The following ADD1 variants were observed in gnomAD, a reference collection of about 807,000 sequenced individuals.
ADD1 encodes the protein adducin 1, also known as alpha-adducin.
Under a neutral mutation model 80.5 loss-of-function variants are expected in ADD1, and 24 were observed. The observed-to-expected ratio is 0.30, with a 90% CI of 0.22 to 0.42. The LOEUF is 0.42. Among genes scored for constraint, ADD1 ranks in the 10% least tolerant of loss-of-function variants. The probability of loss-of-function intolerance (pLI) is 1.00; values close to 1 mark genes in which losing one functional copy is unlikely to be tolerated. For synonymous variants in ADD1, 373 were observed against 393.8 expected, an observed-to-expected ratio of 0.95 and a Z score of 0.63; for missense variants, 948 against 1,019.0, an observed-to-expected ratio of 0.93 and a Z score of 0.95.
At chr4:2,914,271 C>T (rs931125821) in intron 13 of ADD1, among the ~76,000 whole-genome samples, 3 of 152,184 alleles carry the variant, frequency 2.0e-5, no homozygotes, top group African/African-American at 4.8e-5. Flanking sequence ...CTTGGTGCTT[C>T]GCTTTCTTCT....
At position 2,875,719 on chromosome 4, in the gene ADD1, T is replaced by A. The variant is rs35977751; in HGVS notation, c.-20-177T>A. Among the ~76,000 whole-genome samples, 363 of 152,254 alleles carry A rather than the reference T, an allele frequency of 2.4e-3. 4 individuals carry two copies. Among genetic ancestry groups the A allele is most frequent in the African/African-American group, 8.4e-3 (348 of 41,562 alleles). On this transcript the variant is annotated intron_variant, in intron 1 of 15. Coordinates refer to ENST00000683351, the MANE Select transcript of ADD1 (RefSeq NM_001354761.2). ...TGGTTAGTGGGAGGGTGGGAGGTGG[T>A]TGATCAGCCATGTGCCTCTGAGGCC...
intron 13 of ADD1, among the ~76,000 whole-genome samples, chr4:2,912,338 A>G (rs866831572): frequency 3.9e-5 from 6 of 152,162 alleles, no homozygotes; most frequent in Admixed American, 1.3e-4. Context: ...CTCTGTTCCC[A>G]TAACTGGTCT....
intron 6 of ADD1, among the ~76,000 whole-genome samples, chr4:2,895,436 G>T (rs546383756): frequency 6.6e-6 from 1 of 152,148 alleles, no homozygotes; most frequent in African/African-American, 2.4e-5. Flanking sequence ...GGTGCTGTGG[G>T]CTCGGGGAAG....
chr4:2,917,540 T>G (rs1341301128), intron 14 of ADD1, among the ~76,000 whole-genome samples: 1 of 152,232 alleles, frequency 6.6e-6, no homozygotes, highest in Non-Finnish European at 1.5e-5. Flanking sequence ...TTTAATTAGA[T>G]CCCATTTGTC....
chr4:2,920,837 T>C (rs1739900749), intron 14 of ADD1, among the ~76,000 whole-genome samples: 1 of 152,182 alleles, frequency 6.6e-6, no homozygotes, highest in South Asian at 2.1e-4. Flanking sequence ...CCATTTACAT[T>C]TAAGGTTAAT....
At chr4:2,910,726 G>T (rs1185221410) in intron 13 of ADD1, among the ~76,000 whole-genome samples, 3 of 152,176 alleles carry the variant, frequency 2.0e-5, no homozygotes, top group Admixed American at 6.5e-5. Flanking sequence ...ATATTCAGAT[G>T]TGGGTGTGTG....
intron 14 of ADD1, among the ~76,000 whole-genome samples, chr4:2,917,682 C>T (rs1739313769): frequency 6.6e-6 from 1 of 151,964 alleles, no homozygotes; most frequent in Non-Finnish European, 1.5e-5. Flanking sequence ...TTTAACCCCT[C>T]TTGAGTTAAT....
intron 4 of ADD1, among the ~76,000 whole-genome samples, chr4:2,891,243 A>G (rs550040335): frequency 6.6e-6 from 1 of 152,274 alleles, no homozygotes; most frequent in East Asian, 1.9e-4. Context: ...ACTTGAGGCC[A>G]GGAGTTTGAG....
chr4:2,897,767 C>T (rs1735507209), intron 6 of ADD1, among the ~76,000 whole-genome samples: 1 of 152,042 alleles, frequency 6.6e-6, no homozygotes, highest in African/African-American at 2.4e-5. Flanking sequence ...AAGTGATCCA[C>T]CTGCCTTAGC....
At chr4:2,899,838 A>G (rs1380582611) in intron 9 of ADD1, 1 of 331,544 alleles carries the variant, frequency 3.0e-6, no homozygotes, top group East Asian at 8.8e-5. Context: ...GGGCCTGATG[A>G]CTGTGTTCCA....
intron 14 of ADD1, among the ~76,000 whole-genome samples, chr4:2,917,753 T>C (rs1165789819): frequency 6.6e-6 from 1 of 152,244 alleles, no homozygotes; most frequent in African/African-American, 2.4e-5. Flanking sequence ...CTATCCAGTT[T>C]TCCTAACACC....
intron 2 of ADD1, among the ~76,000 whole-genome samples, chr4:2,877,181 G>C (rs1731492639): frequency 6.6e-6 from 1 of 152,026 alleles, no homozygotes; most frequent in Admixed American, 6.5e-5. Context: ...GTTTTCTCAT[G>C]TTGCTGCTGC....
intron 14 of ADD1, among the ~76,000 whole-genome samples, chr4:2,916,209 ATTT>A (rs869251670): frequency 7.9e-6 from 1 of 126,020 alleles, no homozygotes; most frequent in East Asian, 2.3e-4. Context: ...TATTATTATT[ATTT>A]TTGAGATGAA....
chr4:2,862,469 A>G (rs1330886352), intron 1 of ADD1, among the ~76,000 whole-genome samples: 3 of 152,158 alleles, frequency 2.0e-5, no homozygotes, highest in Non-Finnish European at 2.9e-5. Flanking sequence ...AGGAGATGAT[A>G]AACAGACAGC....
At position 2,894,084 on chromosome 4, in the gene ADD1, A is replaced by G. The variant is rs934120100; in HGVS notation, c.582A>G (p.Ala194=). 2.5e-6 allele frequency: 4 copies of G among 1,613,750 alleles called. No homozygotes were observed. Among genetic ancestry groups the G allele is most frequent in the African/African-American group, 2.7e-5 (2 of 74,930 alleles). Residue 194 remains alanine (A), a synonymous_variant, in exon 5 of 16, where the codon GCA becomes GCG. Transcript: ENST00000683351. ...PFGLLYSEVT[A]SSLVKINLQG... Reference sequence around the variant, plus strand: ...GGCTTCTTTACAGTGAAGTGACTGCATCCAGTTTGGTAAGAATGTCCTTCT... The same window carrying G: ...GGCTTCTTTACAGTGAAGTGACTGCGTCCAGTTTGGTAAGAATGTCCTTCT...
intron 4 of ADD1, among the ~76,000 whole-genome samples, chr4:2,885,193 C>T (rs1024769615): frequency 1.3e-5 from 2 of 152,154 alleles, no homozygotes; most frequent in South Asian, 4.1e-4. Context: ...TTAGCCTATT[C>T]TTCACTCCCT....
intron 15 of ADD1, among the ~76,000 whole-genome samples, chr4:2,927,879 C>T (rs1712124574): frequency 1.3e-5 from 2 of 152,148 alleles, no homozygotes; most frequent in East Asian, 3.9e-4. Flanking sequence ...TCAGCTTGTG[C>T]TGCAGTCTGT....
intron 1 of ADD1, among the ~76,000 whole-genome samples, chr4:2,867,202 G>A (rs766642025): frequency 3.3e-5 from 5 of 152,138 alleles, no homozygotes; most frequent in Non-Finnish European, 7.4e-5. Context: ...GTCTTTATAG[G>A]GTCTTTAGAC....
chr4:2,888,006 A>G (rs1238302885), intron 4 of ADD1, among the ~76,000 whole-genome samples: 1 of 152,208 alleles, frequency 6.6e-6, no homozygotes. Flanking sequence ...TTACAGTTGG[A>G]AATAAATCTT....
Sources: gnomAD v4.1 joint callset for allele counts (sites outside exome capture counted in the v4.1 genomes callset) on GRCh38, gnomAD v4.1.1 for gene constraint, MANE v1.5 for transcripts, NCBI Gene and HGNC (gene_info 2026-07-23, HGNC 2026-07-21) for gene names.